The following DHDH variants were observed in gnomAD, a reference collection of about 807,000 sequenced individuals.
The protein encoded by DHDH is trans-1,2-dihydrobenzene-1,2-diol dehydrogenase.
DHDH carries 29 observed loss-of-function variants against 33.2 expected under a neutral mutation model. The ratio of observed to expected loss-of-function variants is 0.87; its 90% CI spans 0.65 to 1.19. DHDH has a LOEUF of 1.19. Ranked by LOEUF, DHDH falls within the 50% of genes most tolerant of loss-of-function variation. DHDH has a pLI of 0.00. For synonymous variants in DHDH, 201 were observed against 187.9 expected (o/e 1.07, Z -0.57); for missense variants, 431 against 455.0 (o/e 0.95, Z 0.48).
At chr19:48,933,160 A>T (rs1257619159), upstream of DHDH, among the ~76,000 whole-genome samples, 1 of 152,150 alleles carries the variant, frequency 6.6e-6, no homozygotes, top group African/African-American at 2.4e-5. Context: ...TGAACTGGGG[A>T]CAATAGAAGC....
At chr19:48,941,991 T>C (rs2037868395) in intron 4 of DHDH, among the ~76,000 whole-genome samples, 1 of 118,936 alleles carries the variant, frequency 8.4e-6, no homozygotes, top group Non-Finnish European at 2.1e-5. Context: ...ACTTCGTGTG[T>C]GTGTGTGTGT....
chr19:48,943,100 G>A (rs193111986), intron 5 of DHDH, among the ~76,000 whole-genome samples: 28 of 151,628 alleles, frequency 1.8e-4, no homozygotes, highest in African/African-American at 3.4e-4. Context: ...GGGCCTGGCC[G>A]GCACGGTGGT....
At chr19:48,941,054 T>C (rs1333405471) in intron 4 of DHDH, among the ~76,000 whole-genome samples, 1 of 152,124 alleles carries the variant, frequency 6.6e-6, no homozygotes, top group Non-Finnish European at 1.5e-5. Context: ...CTTGTGATTC[T>C]GTGCATTGGC....
chr19:48,937,221 G>A (rs1169622883), intron 3 of DHDH, among the ~76,000 whole-genome samples: 1 of 152,146 alleles, frequency 6.6e-6, no homozygotes, highest in African/African-American at 2.4e-5. Context: ...CAACACCCAG[G>A]CTCAGAGCCT....
chr19:48,934,880 A>C (rs904278905), intron 1 of DHDH, 120 bp from the exon 2 acceptor site: 1 of 667,740 alleles, frequency 1.5e-6, no homozygotes, highest in East Asian at 3.3e-5. Flanking sequence ...AGCCCCCGTC[A>C]TCTCTTCCCC....
At chr19:48,938,625 G>A (rs2037813245) in intron 3 of DHDH, among the ~76,000 whole-genome samples, 1 of 151,126 alleles carries the variant, frequency 6.6e-6, no homozygotes, top group South Asian at 2.1e-4. Flanking sequence ...TATTGGATAA[G>A]GGCCCACCCT....
chr19:48,936,582 G>A (rs1034409362), intron 3 of DHDH, among the ~76,000 whole-genome samples: 1 of 151,376 alleles, frequency 6.6e-6, no homozygotes, highest in African/African-American at 2.4e-5. Flanking sequence ...TGTAGTCCCA[G>A]CTACTTGGGA....
chr19:48,944,209 G>A lies in DHDH; in HGVS notation c.745-148G>A, dbSNP rs2037907284. ...TTCTAGCAACTAGAAATGAAGGAGG[G>A]TCCAAAGCTCCCCGGGGATGGACAG... On this transcript the variant is annotated intron_variant, in intron 5 of 6. Coordinates refer to ENST00000221403, the MANE Select transcript of DHDH (RefSeq NM_014475.4). The A allele has an allele frequency of 3.0e-6, 3 of 1,016,770 alleles. 1 individual carries two copies. Among genetic ancestry groups the A allele is most frequent in the Admixed American group, 4.7e-5 (2 of 42,974 alleles). 63.0% of individuals were successfully genotyped at this position (1,016,770 alleles called of 1,614,324 possible).
chr19:48,933,789 C>T lies in DHDH; in HGVS notation c.68C>T (p.Thr23Met), dbSNP rs1380290230. Residue 23 changes from threonine to methionine, a missense_variant, in exon 1 of 7, where the codon ACG becomes ATG. Transcript: ENST00000221403. Reference sequence around the variant, plus strand: ...AGCGACTTCACAGCCGTGCTGCAGACGCTGCCTCGCTCTGAGCACCAGGTC... The same window carrying T: ...AGCGACTTCACAGCCGTGCTGCAGATGCTGCCTCGCTCTGAGCACCAGGTC... Reference protein sequence around the residue: ...ISSDFTAVLQTLPRSEHQVVA... With the variant: ...ISSDFTAVLQMLPRSEHQVVA... 6.2e-7 allele frequency: 1 copy of T among 1,611,138 alleles called. No individual in the cohort carries two copies. The highest frequency in any genetic ancestry group is 8.5e-7 in the Non-Finnish European group (1 of 1,179,950).
intron 3 of DHDH, among the ~76,000 whole-genome samples, chr19:48,937,978 C>G (rs1328350528): frequency 6.6e-6 from 1 of 152,058 alleles, no homozygotes; most frequent in Non-Finnish European, 1.5e-5. Context: ...TCCCGGCTGT[C>G]CTGCGTGAAG....
intron 6 of DHDH, 122 bp downstream of exon 6, chr19:48,944,629 T>TCG: frequency 1.4e-6 from 2 of 1,422,438 alleles, no homozygotes; most frequent in Non-Finnish European, 1.9e-6. Flanking sequence ...TGAGCCGAGA[T>TCG]TGCACCACTG....
intron 3 of DHDH, among the ~76,000 whole-genome samples, chr19:48,937,196 A>C (rs111376097): frequency 1.5e-3 from 221 of 152,296 alleles, no homozygotes; most frequent in Non-Finnish European, 2.0e-3. Flanking sequence ...TGGGGGCACC[A>C]GTAGCCTACT....
Position 48,935,936 on chromosome 19 carries a change from G to C in DHDH, c.203-96G>C, listed in dbSNP as rs2037766661. ...AGACAGGGGTGTGACCGACCACCTG[G>C]TCCCTGGGTGCTAGGGCGGGGCCTC... On this transcript the variant is annotated intron_variant, in intron 2 of 6. Transcript: ENST00000221403. 14 of 1,490,698 alleles carry C rather than the reference G, an allele frequency of 9.4e-6. No individual in the cohort carries two copies. The Admixed American group carries it at 2.4e-4, about 26-fold the overall frequency. The allele number at this position is 1,490,698 out of a possible 1,614,324, so 92.3% of individuals were successfully genotyped here.
upstream of DHDH, chr19:48,933,637 G>A: frequency 1.5e-6 from 2 of 1,334,950 alleles, no homozygotes; most frequent in Non-Finnish European, 2.1e-6. Context: ...GGAGGATGGG[G>A]ACCCGCCCCC....
At chr19:48,932,930 A>G (rs1015200432), upstream of DHDH, among the ~76,000 whole-genome samples, 5 of 152,320 alleles carry the variant, frequency 3.3e-5, no homozygotes, top group African/African-American at 1.2e-4. Context: ...TAGAAAAGTG[A>G]GGACCAGAGA....
upstream of DHDH, chr19:48,933,556 G>C (rs548351455): frequency 3.0e-4 from 193 of 635,858 alleles, no homozygotes; most frequent in African/African-American, 3.1e-3. Flanking sequence ...TTCGCCCAGC[G>C]GGGAAGCTAG....
In DHDH at chr19:48,939,669, A is replaced by T; in HGVS notation, c.587A>T (p.Lys196Met). The T allele has an allele frequency of 2.5e-6, 4 of 1,606,516 alleles. No individual in the cohort carries two copies. The highest frequency in any genetic ancestry group is 1.7e-4 in the Middle Eastern group (1 of 6,034). Residue 196 changes from lysine to methionine, a missense_variant, in exon 4 of 7, where the codon AAG becomes ATG. Lys to Met is a moderately conservative substitution (Grantham distance 95). Transcript: ENST00000221403. ...GTCTTTGGAGGGCAGAAGCCAGAGAAGATTTCTGTCGTGGGAAGGCGTCAT... is the reference window on the plus strand; with the variant it reads ...GTCTTTGGAGGGCAGAAGCCAGAGATGATTTCTGTCGTGGGAAGGCGTCAT... ...SMVFGGQKPE[K>M]ISVVGRRHET...
chr19:48,940,075 C>A (rs910528100), intron 4 of DHDH, among the ~76,000 whole-genome samples: 11 of 152,122 alleles, frequency 7.2e-5, no homozygotes, highest in African/African-American at 2.4e-4. Flanking sequence ...CCCCACTTGG[C>A]CAGGCGTGGT....
At position 48,939,494 on chromosome 19, in the gene DHDH, G is replaced by A. The variant is rs774339155; in HGVS notation, c.412G>A (p.Val138Ile). The change falls in exon 4 of 7, where the codon GTT (valine) becomes ATT (isoleucine). Residue 138 changes from valine (V) to isoleucine (I), a missense_variant. Physicochemically the swap from Val to Ile is conservative, Grantham distance 29 (BLOSUM62 3). Coordinates refer to ENST00000221403, the MANE Select transcript of DHDH (RefSeq NM_014475.4). Reference sequence around the variant, plus strand: ...TCCTGCCTCCGAGGCTCTGAGGTCTGTTTTGGCCCAGGGAACTCTAGGAGA... The same window carrying A: ...TCCTGCCTCCGAGGCTCTGAGGTCTATTTTGGCCCAGGGAACTCTAGGAGA... ...FFPASEALRS[V>I]LAQGTLGDLR... is the part of the protein sequence containing the mutation. The A allele has an allele frequency of 6.2e-7, 1 of 1,614,016 alleles. No individual in the cohort carries two copies. Among genetic ancestry groups the A allele is most frequent in the South Asian group, 1.1e-5 (1 of 91,078 alleles).
Sources: gnomAD v4.1 joint callset for allele counts (sites outside exome capture counted in the v4.1 genomes callset) on GRCh38, gnomAD v4.1.1 for gene constraint, MANE v1.5 for transcripts, NCBI Gene and HGNC (gene_info 2026-07-23, HGNC 2026-07-21) for gene names.